PLD5: variants seen among roughly 807,000 people sequenced by gnomAD.
PLD5 encodes inactive phospholipase D5.
A neutral mutation model predicts 61.1 loss-of-function variants in PLD5; 36 were observed. The observed-to-expected ratio is 0.59, with a 90% CI of 0.45 to 0.78. The LOEUF (loss-of-function observed/expected upper bound fraction) is 0.78. Among genes scored for constraint, PLD5 ranks in the 30% least tolerant of loss-of-function variants. The pLI is 0.00. For missense variants in PLD5, 515 were observed against 644.4 expected (o/e 0.80, Z 2.17); for synonymous variants, 243 against 242.8 (o/e 1.00, Z -0.01).
intron 2 of PLD5, among the ~76,000 whole-genome samples, chr1:242,326,091 G>T (rs2149194572): frequency 6.6e-6 from 1 of 151,724 alleles, no homozygotes; most frequent in African/African-American, 2.4e-5. Context: ...TGTCCAGGCT[G>T]GTCTTGAATT....
At chr1:242,503,807 C>T (rs1165537355) in intron 1 of PLD5, among the ~76,000 whole-genome samples, 5 of 152,046 alleles carry the variant, frequency 3.3e-5, no homozygotes, top group Non-Finnish European at 4.4e-5. Flanking sequence ...GATATGATGT[C>T]GGGAGCCGTT....
chr1:242,245,864 G>A (rs1287902122), intron 4 of PLD5, among the ~76,000 whole-genome samples: 1 of 152,096 alleles, frequency 6.6e-6, no homozygotes, highest in Non-Finnish European at 1.5e-5. Context: ...TGCATCTTAA[G>A]GCAGCACTTA....
chr1:242,415,090 G>A (rs1056456001), intron 1 of PLD5, among the ~76,000 whole-genome samples: 1 of 152,184 alleles, frequency 6.6e-6, no homozygotes, highest in Non-Finnish European at 1.5e-5. Flanking sequence ...AAATCCAAAA[G>A]TTTAGCGACA....
intron 1 of PLD5, among the ~76,000 whole-genome samples, chr1:242,448,649 A>C (rs1463063355): frequency 6.6e-6 from 1 of 152,224 alleles, no homozygotes; most frequent in Non-Finnish European, 1.5e-5. Context: ...AGCAGAGGCC[A>C]AGAGATAAAC....
chr1:242,121,780 C>T (rs1662382368), intron 6 of PLD5, among the ~76,000 whole-genome samples: 2 of 152,190 alleles, frequency 1.3e-5, no homozygotes, highest in East Asian at 1.9e-4. Flanking sequence ...GATGAGTTCA[C>T]ATCCTTTGTA....
chr1:242,147,365 G>C (rs1282670521), intron 5 of PLD5: 1 of 152,194 alleles, frequency 6.6e-6, no homozygotes, highest in Non-Finnish European at 1.5e-5. Flanking sequence ...TTATTGCTGA[G>C]TAAGGATTTT....
intron 4 of PLD5, among the ~76,000 whole-genome samples, chr1:242,238,568 A>T (rs1374224230): frequency 1.3e-5 from 2 of 152,234 alleles, no homozygotes; most frequent in Non-Finnish European, 2.9e-5. Context: ...TAAAAGAATG[A>T]GAAGCTTTGA....
intron 4 of PLD5, among the ~76,000 whole-genome samples, chr1:242,252,015 G>C (rs1237813936): frequency 6.6e-6 from 1 of 152,222 alleles, no homozygotes; most frequent in East Asian, 1.9e-4. Flanking sequence ...ATCTTATGGA[G>C]AGGAAAGATG....
chr1:242,278,921 C>G (rs1042040783), intron 3 of PLD5, among the ~76,000 whole-genome samples: 8 of 152,202 alleles, frequency 5.3e-5, no homozygotes, highest in Admixed American at 5.2e-4. Context: ...AAGGGGCACT[C>G]TTTCCGTGAG....
chr1:242,246,478 A>AACACACACACACACACACACACAC (rs34723926), intron 4 of PLD5, among the ~76,000 whole-genome samples: 75 of 141,216 alleles, frequency 5.3e-4, no homozygotes, highest in Admixed American at 9.1e-4. Flanking sequence ...TAGAAAAGAC[A>AACACACACACACACACACACACAC]ACACACACAC....
chr1:242,215,480 C>T (rs1054502925), intron 5 of PLD5, among the ~76,000 whole-genome samples: 12 of 152,126 alleles, frequency 7.9e-5, no homozygotes, highest in East Asian at 1.9e-4. Context: ...TGACACATTT[C>T]GATCAGCTGT....
In PLD5 at chr1:242,089,401, A is replaced by T; in HGVS notation, c.*453T>A. On this transcript the variant is annotated 3_prime_UTR_variant, in exon 10 of 10. Transcript: ENST00000536534. ...GCTTAGCTGACTGTGTAGGTCTTGG[A>T]GACGATTTACAAGAATAAACACTTG... 2.0e-5 allele frequency: 8 copies of T among 398,480 alleles called. No homozygotes were observed. Among genetic ancestry groups the T allele is most frequent in the Admixed American group, 4.3e-5 (1 of 23,104 alleles). 24.7% of individuals were successfully genotyped at this position (398,480 alleles called of 1,614,324 possible).
intron 1 of PLD5, among the ~76,000 whole-genome samples, chr1:242,382,357 T>A (rs1173958505): frequency 6.6e-6 from 1 of 152,008 alleles, no homozygotes; most frequent in African/African-American, 2.4e-5. Context: ...ACATGAAAAG[T>A]GAGCTTGAGG....
Position 242,152,706 on chromosome 1 carries a change from G to A in PLD5, c.736-28041C>T, listed in dbSNP as rs371080093. Among the ~76,000 whole-genome samples the A allele has an allele frequency of 3.9e-4, 60 of 152,118 alleles. No individual in the cohort carries two copies. The East Asian group carries it at 9.3e-3, about 23-fold the overall frequency. ...GAACTCATCCTTTTTTTGTGGCTGC[G>A]TAGTATTCCATGGTGTATATGTGTC... On this transcript the variant is annotated intron_variant, in intron 5 of 9. Transcript: ENST00000536534.
chr1:242,453,978 C>T lies in PLD5; in HGVS notation c.189+70110G>A, dbSNP rs188544555. 2.4e-3 allele frequency among the ~76,000 whole-genome samples: 361 copies of T among 152,258 alleles called. 1 individual carries two copies. The highest frequency in any genetic ancestry group is 7.0e-3 in the African/African-American group (290 of 41,552). On this transcript the variant is annotated intron_variant, in intron 1 of 9. Transcript: ENST00000536534. ...AGGCAGCAGGGCTAGGAGAGCTCAA[C>T]GTGCGCTGGTGATTAGAGACCCTTT... is the stretch of plus-strand genomic sequence containing the variant.
intron 1 of PLD5, among the ~76,000 whole-genome samples, chr1:242,467,495 A>G (rs1034125350): frequency 6.6e-6 from 1 of 152,184 alleles, no homozygotes; most frequent in Admixed American, 6.5e-5. Flanking sequence ...AAAAAGAATA[A>G]AAGTAGTCTT....
At chr1:242,250,958 G>A in intron 4 of PLD5, among the ~76,000 whole-genome samples, 1 of 152,190 alleles carries the variant, frequency 6.6e-6, no homozygotes, top group East Asian at 1.9e-4. Flanking sequence ...TTTGAAGGTT[G>A]GAGGAGGAGA....
intron 2 of PLD5, among the ~76,000 whole-genome samples, chr1:242,304,997 C>G (rs1391313543): frequency 2.0e-5 from 3 of 152,002 alleles, no homozygotes; most frequent in Admixed American, 6.6e-5. Flanking sequence ...TCCCAGCTAC[C>G]CCGGAGGCAG....
In PLD5 at chr1:242,085,017, C is replaced by T. The variant is rs368417770; in HGVS notation, c.*4837G>A. On this transcript the variant is annotated 3_prime_UTR_variant, in exon 10 of 10. Transcript: ENST00000536534. ...TGAAAAAACTGAGCATCTGGTTATA[C>T]GAAAGGTTTGATAATTTTAATGATT... The T allele has an allele frequency of 2.8e-4, 43 of 152,014 alleles. No homozygotes were observed. The highest frequency in any genetic ancestry group is 6.8e-3 in the Middle Eastern group (2 of 292). The allele number at this position is 152,014 out of a possible 1,614,324, so 9.4% of individuals were successfully genotyped here.
Sources: gnomAD v4.1 joint callset for allele counts (sites outside exome capture counted in the v4.1 genomes callset) on GRCh38, gnomAD v4.1.1 for gene constraint, MANE v1.5 for transcripts, NCBI Gene and HGNC (gene_info 2026-07-23, HGNC 2026-07-21) for gene names.